The following PHKA1 variants were observed in gnomAD, a reference collection of about 807,000 sequenced individuals.
The protein encoded by PHKA1 is phosphorylase b kinase regulatory subunit alpha, skeletal muscle isoform.
PHKA1 carries 60 observed loss-of-function variants against 110.2 expected under a neutral mutation model. The observed-to-expected ratio is 0.54, with a 90% CI of 0.44 to 0.68. The LOEUF is 0.68. Ranked by LOEUF, PHKA1 falls within the 30% of genes least tolerant of loss-of-function variation. PHKA1 has a pLI of 0.00. For missense variants in PHKA1, 801 were observed against 942.5 expected (o/e 0.85, Z 1.97); for synonymous variants, 316 against 333.6 (o/e 0.95, Z 0.58).
chrX:72,581,786 T>C (rs1178795740), intron 31 of PHKA1, among the ~76,000 whole-genome samples: 1 of 112,162 alleles, frequency 8.9e-6, no homozygotes, highest in Non-Finnish European at 1.9e-5. Context: ...AGCTATTATA[T>C]GTTTTGAAAA....
Position 72,619,378 on chromosome X carries a change from CAATT to C in PHKA1, c.2138-77_2138-74del, listed in dbSNP as rs1250995603. ...AATAGAAATGCACAGTTGACTTCAA[CAATT>C]AAGTCACATGTGAGTCAGTTCTTCA... On this transcript the variant is annotated intron_variant, in intron 19 of 31. Transcript: ENST00000373542. 10 of 617,787 alleles carry C rather than the reference CAATT, an allele frequency of 1.6e-5. No individual in the cohort carries two copies. The African/African-American group carries it at 2.0e-4, about 12-fold the overall frequency. The allele number at this position is 617,787 out of a possible 1,213,427, so 50.9% of individuals were successfully genotyped here. A position where few individuals can be genotyped will look rare whatever the true frequency, so the allele number is the denominator to read the frequency against.
At chrX:72,626,285 C>G (rs1174520814) in intron 17 of PHKA1, among the ~76,000 whole-genome samples, 6 of 109,232 alleles carry the variant, frequency 5.5e-5, no homozygotes, top group African/African-American at 2.0e-4. Context: ...TATGGGTGTT[C>G]AGTAGTATTC....
chrX:72,627,918 C>T (rs1248055444), intron 16 of PHKA1, among the ~76,000 whole-genome samples: 3 of 105,590 alleles, frequency 2.8e-5, no homozygotes, highest in Non-Finnish European at 3.9e-5. Flanking sequence ...CCCGGGTTCA[C>T]GCCATTCTCC....
Position 72,593,487 on chromosome X carries a change from G to A in PHKA1, c.3073-213C>T, listed in dbSNP as rs1184202129. The A allele has an allele frequency of 3.3e-5, 12 of 361,873 alleles. No homozygotes were observed. In the East Asian group the frequency reaches 5.1e-4, roughly 15 times the overall value. The allele number at this position is 361,873 out of a possible 1,213,427, so 29.8% of individuals were successfully genotyped here. On this transcript the variant is annotated intron_variant, in intron 28 of 31. Coordinates refer to ENST00000373542, the MANE Select transcript of PHKA1 (RefSeq NM_002637.4). Reference sequence around the variant, plus strand: ...CTCCCGAGTAGCTAGGACTACAGGCGCCTGCCACCATGCTCGGCTAACTTT... The same window carrying A: ...CTCCCGAGTAGCTAGGACTACAGGCACCTGCCACCATGCTCGGCTAACTTT...
At chrX:72,671,599 A>G (rs2053699974) in intron 6 of PHKA1, among the ~76,000 whole-genome samples, 1 of 111,762 alleles carries the variant, frequency 8.9e-6, no homozygotes, top group East Asian at 2.8e-4. Flanking sequence ...TAAAGTTCAT[A>G]CGGAACCAAA....
At chrX:72,590,765 A>G (rs1189341351) in intron 29 of PHKA1, among the ~76,000 whole-genome samples, 1 of 112,519 alleles carries the variant, frequency 8.9e-6, no homozygotes, top group African/African-American at 3.2e-5. Context: ...ATGAACAGAC[A>G]CTTCTCAAAA....
chrX:72,628,639 G>A (rs1483287225), intron 16 of PHKA1, among the ~76,000 whole-genome samples: 1 of 103,975 alleles, frequency 9.6e-6, no homozygotes, highest in Non-Finnish European at 2.0e-5. Context: ...ATGCAGGCTG[G>A]AGTGCAGTGG....
intron 17 of PHKA1, among the ~76,000 whole-genome samples, chrX:72,623,945 CT>C (rs782660957): frequency 4.0e-4 from 44 of 111,273 alleles, no homozygotes; most frequent in Middle Eastern, 9.3e-3. Flanking sequence ...AGGGAAAGCT[CT>C]TTTTTTTAAC....
intron 21 of PHKA1, among the ~76,000 whole-genome samples, chrX:72,612,460 A>G (rs1414540731): frequency 8.9e-6 from 1 of 112,041 alleles, no homozygotes; most frequent in Non-Finnish European, 1.9e-5. Context: ...CAGTTAAAAA[A>G]TACCTATTTT....
chrX:72,620,611 G>A lies in PHKA1; in HGVS notation c.2137+114C>T, dbSNP rs962057440. 5 of 563,070 alleles carry A rather than the reference G, an allele frequency of 8.9e-6. No homozygotes were observed. The Admixed American group carries it at 1.3e-4, about 15-fold the overall frequency. 46.4% of individuals were successfully genotyped at this position (563,070 alleles called of 1,213,427 possible). ...TCTAGGTGCTGTCTGAGATGCGGGG[G>A]ATAAAGCAGTGAAGAAAACTAAAGT... On this transcript the variant is annotated intron_variant, in intron 19 of 31. Transcript: ENST00000373542.
chrX:72,639,484 C>T (rs1054485271), intron 14 of PHKA1, among the ~76,000 whole-genome samples: 3 of 110,908 alleles, frequency 2.7e-5, no homozygotes, highest in African/African-American at 9.8e-5. Flanking sequence ...TGCAGTGAGC[C>T]GAGATCGCGC....
intron 4 of PHKA1, 29 bp from the exon 5 acceptor site, chrX:72,684,609 A>T: frequency 1.1e-6 from 1 of 929,715 alleles, no homozygotes; most frequent in Non-Finnish European, 1.6e-6. Context: ...AAGATACAGA[A>T]CTGGTCAATT....
At chrX:72,636,126 T>C (rs1213997389) in intron 15 of PHKA1, 151 bp downstream of exon 15, 1 of 479,314 alleles carries the variant, frequency 2.1e-6, no homozygotes, top group East Asian at 3.8e-5. Flanking sequence ...TCAATTCAGT[T>C]CAACTCTATA....
Position 72,651,085 on chromosome X carries a change from T to G in PHKA1, c.1246-617A>C, listed in dbSNP as rs782307440. ...TTCTCTGGATATACATATGATTAGA[T>G]GATTAGATCACACAGCTTATCAGTA... On this transcript the variant is annotated intron_variant, in intron 12 of 31. Coordinates refer to ENST00000373542, the MANE Select transcript of PHKA1 (RefSeq NM_002637.4). Among the ~76,000 whole-genome samples the G allele has an allele frequency of 5.3e-5, 6 of 112,154 alleles. No homozygotes were observed. In the East Asian group the frequency reaches 1.7e-3, roughly 31 times the overall value.
At chrX:72,595,432 G>T (rs1556232853) in intron 28 of PHKA1, among the ~76,000 whole-genome samples, 2 of 110,853 alleles carry the variant, frequency 1.8e-5, no homozygotes, top group Admixed American at 9.6e-5. Flanking sequence ...ACATTTTATG[G>T]GGGGCCTGAA....
chrX:72,652,046 TAG>T (rs1556299329), intron 12 of PHKA1, among the ~76,000 whole-genome samples: 2 of 111,091 alleles, frequency 1.8e-5, no homozygotes, highest in African/African-American at 6.6e-5. Context: ...AAGGAACATT[TAG>T]AGAGACCCTT....
intron 28 of PHKA1, among the ~76,000 whole-genome samples, chrX:72,594,000 C>T (rs1235034823): frequency 3.6e-5 from 4 of 110,119 alleles, no homozygotes; most frequent in Non-Finnish European, 3.8e-5. Flanking sequence ...AGTCAGTAAT[C>T]GAAATAAATT....
intron 8 of PHKA1, among the ~76,000 whole-genome samples, chrX:72,662,578 C>T (rs1433162107): frequency 2.7e-5 from 3 of 112,242 alleles, no homozygotes; most frequent in African/African-American, 9.7e-5. Context: ...AGCAGCCCTG[C>T]CCCTGGTTGG....
intron 4 of PHKA1, among the ~76,000 whole-genome samples, chrX:72,685,767 G>T (rs1277779884): frequency 2.7e-5 from 3 of 111,822 alleles, no homozygotes; most frequent in Non-Finnish European, 5.7e-5. Flanking sequence ...TTTCCTTTCT[G>T]GTCTATAACA....
Sources: allele counts gnomAD v4.1 joint callset (sites outside exome capture counted in the v4.1 genomes callset), GRCh38; gene constraint gnomAD v4.1.1; transcripts MANE v1.5; gene names NCBI Gene and HGNC (gene_info 2026-07-23, HGNC 2026-07-21).